CDH12: variants seen among roughly 807,000 people sequenced by gnomAD.
CDH12 encodes the protein cadherin-12.
Under a neutral mutation model 74.1 loss-of-function variants are expected in CDH12, and 41 were observed. That is an observed-to-expected ratio of 0.55 (90% CI 0.43 to 0.72). The LOEUF (loss-of-function observed/expected upper bound fraction) is 0.72, where lower values mean the gene tolerates loss of function less well. Ranked by LOEUF, CDH12 falls within the 30% of genes least tolerant of loss-of-function variation. The pLI, the probability that CDH12 is intolerant of heterozygous loss-of-function variation, is 0.00. For synonymous variants in CDH12, 399 were observed against 355.0 expected, an observed-to-expected ratio of 1.12 and a Z score of -1.39; for missense variants, 945 against 977.2, an observed-to-expected ratio of 0.97 and a Z score of 0.44.
intron 1 of CDH12, among the ~76,000 whole-genome samples, chr5:22,711,919 A>T (rs1454199639): frequency 6.6e-6 from 1 of 152,030 alleles, no homozygotes; most frequent in Non-Finnish European, 1.5e-5. Context: ...GTAACTCACA[A>T]CTGTTGAATA....
At chr5:21,944,023 T>C (rs1755458045) in intron 6 of CDH12, among the ~76,000 whole-genome samples, 2 of 152,170 alleles carry the variant, frequency 1.3e-5, no homozygotes, top group South Asian at 2.1e-4. Context: ...TGTATTTATA[T>C]ACCTATAAGA....
chr5:21,945,427 C>CA (rs1167475672), intron 6 of CDH12, among the ~76,000 whole-genome samples: 3,278 of 15,466 alleles, frequency 0.21, 962 homozygotes, highest in Non-Finnish European at 0.28. Flanking sequence ...CTGTTTCAGA[C>CA]AAAAAAAAAA....
At chr5:22,537,418 C>T (rs970528400) in intron 1 of CDH12, among the ~76,000 whole-genome samples, 9 of 152,234 alleles carry the variant, frequency 5.9e-5, no homozygotes, top group East Asian at 1.9e-4. Context: ...CTATCTTGGA[C>T]GAGCACTGTC....
intron 5 of CDH12, among the ~76,000 whole-genome samples, chr5:22,030,355 A>C (rs1738730591): frequency 6.6e-6 from 1 of 152,174 alleles, no homozygotes; most frequent in African/African-American, 2.4e-5. Flanking sequence ...TGCAGAATGA[A>C]TGTTGTATTA....
intron 1 of CDH12, among the ~76,000 whole-genome samples, chr5:22,649,834 T>C (rs892460372): frequency 1.4e-4 from 22 of 151,956 alleles, no homozygotes; most frequent in Admixed American, 1.2e-3. Context: ...CTCAATTCTA[T>C]ACAAAAAACA....
At chr5:22,388,106 A>G (rs963079566) in intron 3 of CDH12, among the ~76,000 whole-genome samples, 1 of 152,128 alleles carries the variant, frequency 6.6e-6, no homozygotes, top group Non-Finnish European at 1.5e-5. Flanking sequence ...TATTTCTAAG[A>G]AAACAAAAAC....
chr5:22,241,420 T>C (rs1464000475), intron 3 of CDH12, among the ~76,000 whole-genome samples: 1 of 152,148 alleles, frequency 6.6e-6, no homozygotes, highest in Non-Finnish European at 1.5e-5. Context: ...AAAACAGTTC[T>C]ATGAAGATAT....
At chr5:22,089,042 G>A (rs115893033) in intron 4 of CDH12, among the ~76,000 whole-genome samples, 5,123 of 152,226 alleles carry the variant, frequency 0.034, 121 homozygotes, top group Non-Finnish European at 0.054. Context: ...AACTGGCTAC[G>A]GGGGCTTACA....
At chr5:22,851,330 T>A (rs1357780476) in intron 1 of CDH12, among the ~76,000 whole-genome samples, 2 of 151,912 alleles carry the variant, frequency 1.3e-5, no homozygotes, top group Non-Finnish European at 2.9e-5. Context: ...CTTAAAAACT[T>A]CCCCCTACTG....
At chr5:22,765,708 A>C (rs1177261694) in intron 1 of CDH12, among the ~76,000 whole-genome samples, 1 of 151,840 alleles carries the variant, frequency 6.6e-6, no homozygotes, top group Admixed American at 6.6e-5. Context: ...TTGCTATTGC[A>C]TGCCTCTCAA....
intron 3 of CDH12, among the ~76,000 whole-genome samples, chr5:22,282,275 A>G (rs1231289119): frequency 6.6e-6 from 1 of 152,130 alleles, no homozygotes; most frequent in Non-Finnish European, 1.5e-5. Flanking sequence ...CATACGACCT[A>G]AAAATCATAA....
At chr5:22,488,452 T>G (rs1746699041) in intron 2 of CDH12, among the ~76,000 whole-genome samples, 1 of 152,188 alleles carries the variant, frequency 6.6e-6, no homozygotes, top group Admixed American at 6.5e-5. Context: ...ATGCCTTTTA[T>G]TTCCCATATT....
intron 1 of CDH12, among the ~76,000 whole-genome samples, chr5:22,547,653 G>T (rs1738392881): frequency 6.6e-6 from 1 of 151,974 alleles, no homozygotes; most frequent in Admixed American, 6.6e-5. Context: ...ATAAATAAAT[G>T]CATTTTATTT....
chr5:22,770,536 T>A (rs1052866110), intron 1 of CDH12, among the ~76,000 whole-genome samples: 2 of 152,174 alleles, frequency 1.3e-5, no homozygotes, highest in African/African-American at 4.8e-5. Context: ...TGCTGACATA[T>A]CATTAGATTA....
rs573128024 is a variant in CDH12, at chr5:22,413,595, T to C, written c.-427-8244A>G. ...GGATGCAGACATAATATTTTCATAGTTATATTTCAACAAATCTGGCTGTGC... is the reference window on the plus strand; with the variant it reads ...GGATGCAGACATAATATTTTCATAGCTATATTTCAACAAATCTGGCTGTGC... On this transcript the variant is annotated intron_variant, in intron 2 of 14. Coordinates refer to ENST00000382254, the MANE Select transcript of CDH12 (RefSeq NM_004061.5). Among the ~76,000 whole-genome samples the C allele has an allele frequency of 7.2e-5, 11 of 152,152 alleles. No individual in the cohort carries two copies. The South Asian group carries it at 2.1e-3, about 29-fold the overall frequency.
intron 3 of CDH12, among the ~76,000 whole-genome samples, chr5:22,396,095 A>G (rs1052886178): frequency 2.0e-5 from 3 of 152,092 alleles, no homozygotes; most frequent in Non-Finnish European, 4.4e-5. Context: ...ATTTTATAAG[A>G]TTTTTTAAGC....
intron 6 of CDH12, among the ~76,000 whole-genome samples, chr5:21,948,398 T>C (rs996257048): frequency 1.3e-4 from 20 of 152,246 alleles, no homozygotes; most frequent in African/African-American, 4.8e-4. Context: ...TTTAAAGCTT[T>C]ATGTTTTAAT....
intron 1 of CDH12, among the ~76,000 whole-genome samples, chr5:22,607,487 C>T (rs900036106): frequency 9.2e-5 from 14 of 152,180 alleles, no homozygotes; most frequent in African/African-American, 2.7e-4. Context: ...GAAGCAAAAG[C>T]GGAGACCCCT....
intron 3 of CDH12, among the ~76,000 whole-genome samples, chr5:22,326,062 T>C (rs1292122113): frequency 6.6e-6 from 1 of 152,194 alleles, no homozygotes; most frequent in Non-Finnish European, 1.5e-5. Flanking sequence ...CAATATCATA[T>C]ATGTCACTGT....
Sources: gnomAD v4.1 joint callset for allele counts (sites outside exome capture counted in the v4.1 genomes callset) on GRCh38, gnomAD v4.1.1 for gene constraint, MANE v1.5 for transcripts, NCBI Gene and HGNC (gene_info 2026-07-23, HGNC 2026-07-21) for gene names.